The following STRBP variants were observed in gnomAD, a reference collection of about 807,000 sequenced individuals.
The protein encoded by STRBP is spermatid perinuclear RNA-binding protein.
STRBP carries 13 observed loss-of-function variants against 80.1 expected under a neutral mutation model. The observed-to-expected ratio is 0.16, with a 90% CI of 0.11 to 0.26. STRBP has a LOEUF of 0.26. Among genes scored for constraint, STRBP ranks in the 10% least tolerant of loss-of-function variants. The pLI is 1.00. For missense variants in STRBP, 485 were observed against 815.2 expected (o/e 0.59, Z 4.93); for synonymous variants, 284 against 291.2 (o/e 0.98, Z 0.25).
At chr9:123,220,593 G>C (rs1333255622) in intron 2 of STRBP, among the ~76,000 whole-genome samples, 2 of 152,088 alleles carry the variant, frequency 1.3e-5, no homozygotes, top group African/African-American at 4.8e-5. Flanking sequence ...TGGAGAACAG[G>C]GTAAAGGAAG....
intron 1 of STRBP, among the ~76,000 whole-genome samples, chr9:123,256,031 T>C (rs1404308772): frequency 8.6e-5 from 12 of 139,324 alleles, no homozygotes; most frequent in African/African-American, 2.7e-4. Flanking sequence ...TTTTTTTTTT[T>C]TTTTTTTTTT....
chr9:123,263,126 T>A (rs1191241835), intron 1 of STRBP, among the ~76,000 whole-genome samples: 7 of 152,020 alleles, frequency 4.6e-5, no homozygotes. Flanking sequence ...GCAAAACAAA[T>A]GAAAACAGAA....
Position 123,167,969 on chromosome 9 carries a change from A to G in STRBP, c.535+1933T>C, listed in dbSNP as rs180697328. On this transcript the variant is annotated intron_variant, in intron 6 of 18. Coordinates refer to ENST00000348403, the MANE Select transcript of STRBP (RefSeq NM_018387.5). Reference sequence around the variant, plus strand: ...AAATCTCATATAAGTACACAAAACCAAGGAATAAAGATGACTGATGTTCCC... The same window carrying G: ...AAATCTCATATAAGTACACAAAACCGAGGAATAAAGATGACTGATGTTCCC... Among the ~76,000 whole-genome samples, 503 of 152,276 alleles carry G rather than the reference A, an allele frequency of 3.3e-3. 1 individual carries two copies. Among genetic ancestry groups the G allele is most frequent in the Admixed American group, 5.3e-3 (81 of 15,298 alleles).
intron 4 of STRBP, among the ~76,000 whole-genome samples, chr9:123,176,275 A>ACCTC (rs1265075364): frequency 6.6e-6 from 1 of 152,148 alleles, no homozygotes; most frequent in Non-Finnish European, 1.5e-5. Flanking sequence ...TCCAAGTGCT[A>ACCTC]CCTCCTTCAT....
chr9:123,156,231 T>C (rs1201672767), intron 11 of STRBP, among the ~76,000 whole-genome samples: 1 of 152,164 alleles, frequency 6.6e-6, no homozygotes, highest in African/African-American at 2.4e-5. Flanking sequence ...ATAACATTTT[T>C]ATTCAATCAT....
intron 13 of STRBP, among the ~76,000 whole-genome samples, chr9:123,146,094 A>G (rs1000035919): frequency 6.6e-6 from 1 of 152,006 alleles, no homozygotes; most frequent in African/African-American, 2.4e-5. Flanking sequence ...AAATAGAGCA[A>G]TTATATCGTA....
chr9:123,158,220 A>G (rs746789174), intron 10 of STRBP, 97 bp from the exon 11 acceptor site: 40 of 1,475,876 alleles, frequency 2.7e-5, no homozygotes, highest in Admixed American at 8.6e-5. Context: ...TTCTGACATT[A>G]TAACAGCAGA....
chr9:123,136,866 G>GT lies in STRBP; in HGVS notation c.1498-352dup, dbSNP rs1375680263. On this transcript the variant is annotated intron_variant, in intron 14 of 18. Coordinates refer to ENST00000348403, the MANE Select transcript of STRBP (RefSeq NM_018387.5). This position sits in a 1 kb window ranked among gnomAD's most constrained non-coding sequence, Gnocchi z 4.2. ...CGAGAATAGAACAGTTTGGATTCAC[G>GT]TGATGCCTAAGGGTTCATCATTTTT... is the stretch of plus-strand genomic sequence containing the variant. Among the ~76,000 whole-genome samples the GT allele has an allele frequency of 6.6e-6, 1 of 152,172 alleles. No individual in the cohort carries two copies. Among genetic ancestry groups the GT allele is most frequent in the East Asian group, 1.9e-4 (1 of 5,198 alleles).
intron 4 of STRBP, among the ~76,000 whole-genome samples, chr9:123,176,336 T>C (rs1388007386): frequency 6.6e-6 from 1 of 152,246 alleles, no homozygotes; most frequent in Non-Finnish European, 1.5e-5. Flanking sequence ...CTCCCTGCTC[T>C]GTACTTTCAC....
chr9:123,122,782 G>T lies in STRBP; in HGVS notation c.*2815C>A. 1 of 991,266 alleles carries T rather than the reference G, an allele frequency of 1.0e-6. No individual in the cohort carries two copies. The allele number at this position is 991,266 out of a possible 1,614,324, so 61.4% of individuals were successfully genotyped here. A position where few individuals can be genotyped will look rare whatever the true frequency, so the allele number is the denominator to read the frequency against. ...AACGCTAACTGACGCAGTCAGGAAT[G>T]TAACTATTTATGTGCTAAAAAGTGT... On this transcript the variant is annotated 3_prime_UTR_variant, in exon 19 of 19. Transcript: ENST00000348403.
chr9:123,111,475 A>G, intron 3 of STRBP: 2 of 344,572 alleles, frequency 5.8e-6, no homozygotes. Flanking sequence ...GAGTCAAGCA[A>G]CTTTCTGACC....
exon 3 of STRBP, chr9:123,116,035 G>C (rs1213621502): frequency 2.2e-6 from 1 of 456,188 alleles, no homozygotes; most frequent in East Asian, 6.9e-5. Context: ...AGTTCCCCAG[G>C]TGCCAATTTC....
At chr9:123,266,706 C>T (rs914935526) in intron 1 of STRBP, among the ~76,000 whole-genome samples, 1 of 151,892 alleles carries the variant, frequency 6.6e-6, no homozygotes, top group Non-Finnish European at 1.5e-5. Context: ...TCCTATTTCC[C>T]CCACCACCAC....
At chr9:123,217,828 G>T (rs2039944465) in intron 2 of STRBP, among the ~76,000 whole-genome samples, 1 of 152,172 alleles carries the variant, frequency 6.6e-6, no homozygotes. Context: ...TGGCTTCTCT[G>T]CCACATACGT....
intron 2 of STRBP, among the ~76,000 whole-genome samples, chr9:123,195,328 G>A (rs768409142): frequency 2.0e-5 from 3 of 151,926 alleles, no homozygotes; most frequent in Non-Finnish European, 4.4e-5. Context: ...TCTAAAATCT[G>A]ACTATTGGGA....
intron 16 of STRBP, 101 bp from the exon 17 acceptor site, chr9:123,133,069 G>T: frequency 6.9e-7 from 1 of 1,442,454 alleles, no homozygotes; most frequent in Non-Finnish European, 9.4e-7. Context: ...CTGTGAGCAC[G>T]TGGGTGAGAC....
At chr9:123,181,048 A>G (rs1319332382) in intron 3 of STRBP, 3 of 472,608 alleles carry the variant, frequency 6.3e-6, no homozygotes, top group Non-Finnish European at 8.3e-6. Flanking sequence ...TCTATAAAGC[A>G]AAGAAAACTT....
intron 13 of STRBP, among the ~76,000 whole-genome samples, chr9:123,142,285 G>T (rs996426442): frequency 5.9e-5 from 9 of 152,166 alleles, no homozygotes; most frequent in African/African-American, 2.2e-4. Context: ...TTAAAAGTAT[G>T]TGGCACTTCC....
Position 123,124,281 on chromosome 9 carries a change from A to G in STRBP, c.*1316T>C. ...GACATGGTGCCTTATAAATATTGAC[A>G]GGGGACCACACTGCTGCTCCTTCAT... On this transcript the variant is annotated 3_prime_UTR_variant, in exon 19 of 19. Transcript: ENST00000348403. 1 of 985,462 alleles carries G rather than the reference A, an allele frequency of 1.0e-6. No homozygotes were observed. 61.0% of individuals were successfully genotyped at this position (985,462 alleles called of 1,614,324 possible).
Sources: allele counts gnomAD v4.1 joint callset (sites outside exome capture counted in the v4.1 genomes callset), GRCh38; gene constraint gnomAD v4.1.1; non-coding constraint Gnocchi (gnomAD v3.1); transcripts MANE v1.5; gene names NCBI Gene and HGNC (gene_info 2026-07-23, HGNC 2026-07-21).